Variants in E2F2 observed in about 807,000 individuals in gnomAD.
E2F2 encodes E2F transcription factor 2.
Under a neutral mutation model 42.2 loss-of-function variants are expected in E2F2, and 22 were observed. That is an observed-to-expected ratio of 0.52 (90% CI 0.37 to 0.74). The LOEUF is 0.74. E2F2 is among the 30% of genes least tolerant of loss of function. The probability of loss-of-function intolerance (pLI) is 0.00; values close to 1 mark genes in which losing one functional copy is unlikely to be tolerated. For missense variants in E2F2, 481 were observed against 557.8 expected (o/e 0.86, Z 1.39); for synonymous variants, 248 against 251.6 (o/e 0.99, Z 0.13).
In E2F2 at chr1:23,506,457, C is replaced by T. The variant is rs576719252; in HGVS notation, c.*3423G>A. On this transcript the variant is annotated 3_prime_UTR_variant, in exon 7 of 7. Coordinates refer to ENST00000361729, the MANE Select transcript of E2F2 (RefSeq NM_004091.4). ...CAGAGCTGCAGTTTAATGTTTAATGCCCAATTATCTCAATACAAGGAGGCT... is the reference window on the plus strand; with the variant it reads ...CAGAGCTGCAGTTTAATGTTTAATGTCCAATTATCTCAATACAAGGAGGCT... The T allele has an allele frequency of 6.6e-6, 1 of 152,326 alleles. No individual in the cohort carries two copies. The highest frequency in any genetic ancestry group is 6.5e-5 in the Admixed American group (1 of 15,288). 9.4% of individuals were successfully genotyped at this position (152,326 alleles called of 1,614,324 possible).
Position 23,521,693 on chromosome 1 carries a change from C to T in E2F2, c.578+144G>A. On this transcript the variant is annotated intron_variant, in intron 3 of 6. Transcript: ENST00000361729. Reference sequence around the variant, plus strand: ...CCAGCAATAAGCCTATTGGATGTTGCTCTTGGTCCGCCTCAGCCCTTGTGC... The same window carrying T: ...CCAGCAATAAGCCTATTGGATGTTGTTCTTGGTCCGCCTCAGCCCTTGTGC... 6 of 1,463,620 alleles carry T rather than the reference C, an allele frequency of 4.1e-6. No homozygotes were observed. The South Asian group carries it at 5.6e-5, about 14-fold the overall frequency. 90.7% of individuals were successfully genotyped at this position (1,463,620 alleles called of 1,614,324 possible).
In E2F2 at chr1:23,506,672, T is replaced by G. The variant is rs545109855; in HGVS notation, c.*3208A>C. 5 of 152,270 alleles carry G rather than the reference T, an allele frequency of 3.3e-5. No individual in the cohort carries two copies. The East Asian group carries it at 9.6e-4, about 29-fold the overall frequency. The allele number at this position is 152,270 out of a possible 1,614,324, so 9.4% of individuals were successfully genotyped here. On this transcript the variant is annotated 3_prime_UTR_variant, in exon 7 of 7. Coordinates refer to ENST00000361729, the MANE Select transcript of E2F2 (RefSeq NM_004091.4). ...GTGTGGCCACCATGGTCACTGAGGA[T>G]CCTCGTGGGAGAATAGGGTTCTGGG...
In E2F2 at chr1:23,506,690, G is replaced by C. The variant is rs1642802410; in HGVS notation, c.*3190C>G. The C allele has an allele frequency of 1.3e-5, 2 of 152,276 alleles. No homozygotes were observed. The highest frequency in any genetic ancestry group is 4.8e-5 in the African/African-American group (2 of 41,460). 9.4% of individuals were successfully genotyped at this position (152,276 alleles called of 1,614,324 possible). ...CTGAGGATCCTCGTGGGAGAATAGG[G>C]TTCTGGGACCTCAGGATACAATCAC... On this transcript the variant is annotated 3_prime_UTR_variant, in exon 7 of 7. Coordinates refer to ENST00000361729, the MANE Select transcript of E2F2 (RefSeq NM_004091.4).
At chr1:23,516,620 A>G (rs975251216) in intron 5 of E2F2, 93 bp from the exon 6 acceptor site, 2 of 1,065,524 alleles carry the variant, frequency 1.9e-6, no homozygotes, top group Non-Finnish European at 2.6e-6. Flanking sequence ...GCTGCCATCC[A>G]TGGGTGCAAG....
At chr1:23,516,805 G>C (rs561145379) in intron 5 of E2F2, among the ~76,000 whole-genome samples, 12 of 139,476 alleles carry the variant, frequency 8.6e-5, no homozygotes, top group South Asian at 2.7e-4. Context: ...GGGCGGGGGG[G>C]GGGGGGCAGC....
chr1:23,510,203 C>A, intron 6 of E2F2, 55 bp from the exon 7 acceptor site: 1 of 1,473,244 alleles, frequency 6.8e-7, no homozygotes, highest in South Asian at 1.4e-5. Flanking sequence ...CTCCTCAGCA[C>A]GCGAGGACAG....
intron 6 of E2F2, among the ~76,000 whole-genome samples, chr1:23,510,407 C>T (rs955432208): frequency 6.6e-6 from 1 of 152,240 alleles, no homozygotes; most frequent in Admixed American, 6.5e-5. Flanking sequence ...TTCACTGCAA[C>T]CTCTGCCTCC....
At chr1:23,513,562 A>ATGTGTGTGTGTGTGTG (rs71023281) in intron 6 of E2F2, among the ~76,000 whole-genome samples, 48 of 135,182 alleles carry the variant, frequency 3.6e-4, no homozygotes, top group East Asian at 1.1e-3. Flanking sequence ...AGCACGGAAC[A>ATGTGTGTGTGTGTGTG]TGTGTGTGTG....
chr1:23,513,169 C>G (rs889391492), intron 6 of E2F2, among the ~76,000 whole-genome samples: 2 of 148,842 alleles, frequency 1.3e-5, no homozygotes, highest in African/African-American at 2.5e-5. Context: ...TCTTCTATAA[C>G]CCATTCAATA....
In E2F2 at chr1:23,531,075, C is replaced by T. The variant is rs1042636417; in HGVS notation, c.-282G>A. ...GCACCGCGACCCGGGACGCCCCGCG[C>T]TCCCCAAGGCCTCGGCACCTGGGGT... On this transcript the variant is annotated 5_prime_UTR_variant, in exon 1 of 7. Coordinates refer to ENST00000361729, the MANE Select transcript of E2F2 (RefSeq NM_004091.4). The T allele has an allele frequency of 1.2e-4, 44 of 353,676 alleles. No individual in the cohort carries two copies. Among genetic ancestry groups the T allele is most frequent in the South Asian group, 1.1e-3 (10 of 9,352 alleles). 21.9% of individuals were successfully genotyped at this position (353,676 alleles called of 1,614,324 possible). A position where few individuals can be genotyped will look rare whatever the true frequency, so the allele number is the denominator to read the frequency against.
intron 6 of E2F2, among the ~76,000 whole-genome samples, chr1:23,512,254 G>A (rs554428487): frequency 1.7e-4 from 26 of 152,000 alleles, no homozygotes; most frequent in African/African-American, 6.0e-4. Flanking sequence ...CTGGTTTGTC[G>A]GGTCTGCATG....
At chr1:23,521,624 A>T (rs1454941246) in intron 3 of E2F2, 2 of 983,216 alleles carry the variant, frequency 2.0e-6, no homozygotes, top group Admixed American at 6.2e-5. Context: ...CGATTACTTC[A>T]GCAGGTACAC....
rs1257791066 is a variant in E2F2, at chr1:23,524,112, A to C, written c.358+271T>G. 2.6e-5 allele frequency among the ~76,000 whole-genome samples: 4 copies of C among 151,208 alleles called. 1 individual carries two copies. The highest frequency in any genetic ancestry group is 9.7e-5 in the African/African-American group (4 of 41,236). On this transcript the variant is annotated intron_variant, in intron 2 of 6. Transcript: ENST00000361729. ...AACAACAACAACAACAACAAAAAAA[A>C]ACACAGAAGTAATGCAAGATTTACA...
chr1:23,511,366 C>T (rs1642905037), intron 6 of E2F2, among the ~76,000 whole-genome samples: 1 of 152,066 alleles, frequency 6.6e-6, no homozygotes, highest in Admixed American at 6.6e-5. Context: ...TCCTGAGTAG[C>T]TGGGACCACT....
At position 23,509,913 on chromosome 1, in the gene E2F2, G is replaced by A. The variant is rs781075661; in HGVS notation, c.1281C>T (p.Asp427=). 6 of 1,588,534 alleles carry A rather than the reference G, an allele frequency of 3.8e-6. No homozygotes were observed. The highest frequency in any genetic ancestry group is 4.5e-5 in the East Asian group (2 of 44,060). ...TCAACAGGTCCCCAAGGTCGTAGGA[G>A]TCGAAGAGATCGCTGATGCCCTCAC... is the stretch of plus-strand genomic sequence containing the variant. ...EAGEGISDLF[D]SYDLGDLLIN The change falls in exon 7 of 7, where the codon GAC becomes GAT. Residue 427 remains aspartate, a synonymous_variant. Transcript: ENST00000361729.
chr1:23,512,345 G>A lies in E2F2; in HGVS notation c.1046-2197C>T, dbSNP rs182996360. Among the ~76,000 whole-genome samples the A allele has an allele frequency of 7.2e-4, 110 of 152,284 alleles. 3 individuals carry two copies. Among genetic ancestry groups the A allele is most frequent in the Non-Finnish European group, 4.1e-4 (28 of 68,032 alleles). On this transcript the variant is annotated intron_variant, in intron 6 of 6. Coordinates refer to ENST00000361729, the MANE Select transcript of E2F2 (RefSeq NM_004091.4). Reference sequence around the variant, plus strand: ...GGTGGCACTGCCCTTGAGGCGAGGCGTGGTTCAGCCTCCTTGCACACTCAA... The same window carrying A: ...GGTGGCACTGCCCTTGAGGCGAGGCATGGTTCAGCCTCCTTGCACACTCAA...
intron 4 of E2F2, 134 bp downstream of exon 4, chr1:23,520,779 G>T: frequency 1.1e-6 from 1 of 869,594 alleles, no homozygotes; most frequent in African/African-American, 1.7e-5. Flanking sequence ...AAATAGACTT[G>T]AGAAGAAAAG....
rs1019099842 is a variant in E2F2 at position 23,530,382 on chromosome 1, T to C, written c.252+160A>G. On this transcript the variant is annotated intron_variant, in intron 1 of 6. Transcript: ENST00000361729. The surrounding 1 kb of genome is among the most constrained non-coding windows in gnomAD (Gnocchi z 4.4). The stretch of plus-strand genomic sequence containing the variant: ...AAAGTCTGAAAATGAAGGGGTCTTC[T>C]ACTCAGATATTGGGGGCACTGGGTC... 3.3e-5 allele frequency among the ~76,000 whole-genome samples: 5 copies of C among 152,234 alleles called. No homozygotes were observed. Among genetic ancestry groups the C allele is most frequent in the Non-Finnish European group, 7.3e-5 (5 of 68,032 alleles).
In E2F2 at chr1:23,530,226, G is replaced by T. The variant is rs2124276614; in HGVS notation, c.252+316C>A. 6.6e-6 allele frequency among the ~76,000 whole-genome samples: 1 copy of T among 152,222 alleles called. No individual in the cohort carries two copies. The highest frequency in any genetic ancestry group is 1.9e-4 in the East Asian group (1 of 5,198). On this transcript the variant is annotated intron_variant, in intron 1 of 6. Transcript: ENST00000361729. The surrounding 1 kb of genome is among the most constrained non-coding windows in gnomAD (Gnocchi z 4.4). Reference sequence around the variant, plus strand: ...CCAAACAATGAAGTAATGAATGAATGGCGGCAACGCTGGCTGCATGGACTT... The same window carrying T: ...CCAAACAATGAAGTAATGAATGAATTGCGGCAACGCTGGCTGCATGGACTT...
Sources: gnomAD v4.1 joint callset for allele counts (sites outside exome capture counted in the v4.1 genomes callset) on GRCh38, gnomAD v4.1.1 for gene constraint, Gnocchi (gnomAD v3.1) non-coding constraint, MANE v1.5 for transcripts, NCBI Gene and HGNC (gene_info 2026-07-23, HGNC 2026-07-21) for gene names.